Variants in ME3 observed in about 807,000 individuals in gnomAD.
The protein encoded by ME3 is NADP-dependent malic enzyme, mitochondrial.
ME3 carries 48 observed loss-of-function variants against 68.9 expected under a neutral mutation model. The ratio of observed to expected loss-of-function variants is 0.70; its 90% CI spans 0.55 to 0.89. ME3 has a LOEUF of 0.89. Ranked by LOEUF, ME3 falls within the 40% of genes least tolerant of loss-of-function variation. The pLI is 0.00. For synonymous variants in ME3, 320 were observed against 318.8 expected, an observed-to-expected ratio of 1.00 and a Z score of -0.04; for missense variants, 675 against 797.4, an observed-to-expected ratio of 0.85 and a Z score of 1.85.
At chr11:86,569,290 C>T (rs964793451) in intron 2 of ME3, among the ~76,000 whole-genome samples, 1 of 152,170 alleles carries the variant, frequency 6.6e-6, no homozygotes, top group Non-Finnish European at 1.5e-5. Flanking sequence ...GGCACCACGC[C>T]GGCCTTTGCA....
chr11:86,635,640 T>A (rs1944287799), intron 2 of ME3, among the ~76,000 whole-genome samples: 1 of 152,208 alleles, frequency 6.6e-6, no homozygotes, highest in African/African-American at 2.4e-5. Context: ...AAGGATGAGT[T>A]CTACTTTATT....
At chr11:86,492,084 CAGAT>C (rs2138969825) in intron 6 of ME3, among the ~76,000 whole-genome samples, 1 of 152,360 alleles carries the variant, frequency 6.6e-6, no homozygotes, top group East Asian at 1.9e-4. Flanking sequence ...GCTTTCAAAT[CAGAT>C]AGACCTGGGT....
chr11:86,520,330 A>T (rs1390041304), intron 4 of ME3, among the ~76,000 whole-genome samples: 1 of 152,178 alleles, frequency 6.6e-6, no homozygotes, highest in Non-Finnish European at 1.5e-5. Context: ...TAGGCCCTGT[A>T]CTGATTTCAT....
At position 86,591,820 on chromosome 11, in the gene ME3, G is replaced by T. The variant is rs76449355; in HGVS notation, c.184-31997C>A. 8.0e-3 allele frequency among the ~76,000 whole-genome samples: 1,215 copies of T among 152,156 alleles called. 12 individuals are homozygous for T. Among genetic ancestry groups the T allele is most frequent in the African/African-American group, 0.028 (1,167 of 41,500 alleles). ...AGACTTATTTGCTTTCATGAGAACA[G>T]CATGGGAAAGACCTGCTCCTGTGAC... is the stretch of plus-strand genomic sequence containing the variant. On this transcript the variant is annotated intron_variant, in intron 2 of 14. Coordinates refer to ENST00000543262, the Ensembl canonical transcript of ME3.
At chr11:86,548,063 A>G (rs1299824369) in intron 4 of ME3, among the ~76,000 whole-genome samples, 1 of 152,210 alleles carries the variant, frequency 6.6e-6, no homozygotes, top group African/African-American at 2.4e-5. Context: ...AGCCATTGCC[A>G]CCTTCACTCC....
At chr11:86,580,275 C>G (rs1958362575) in intron 2 of ME3, among the ~76,000 whole-genome samples, 1 of 152,174 alleles carries the variant, frequency 6.6e-6, no homozygotes, top group Non-Finnish European at 1.5e-5. Context: ...AGAGTGACCT[C>G]TCCTCCAAAT....
intron 2 of ME3, among the ~76,000 whole-genome samples, chr11:86,568,258 C>G (rs1957595532): frequency 6.6e-6 from 1 of 152,182 alleles, no homozygotes; most frequent in Admixed American, 6.5e-5. Flanking sequence ...GGCCACTGCT[C>G]TGACCTCTCC....
At chr11:86,644,507 C>T (rs1944876224) in intron 2 of ME3, among the ~76,000 whole-genome samples, 1 of 152,158 alleles carries the variant, frequency 6.6e-6, no homozygotes, top group South Asian at 2.1e-4. Flanking sequence ...TTACTCATCA[C>T]ACTCCTATTA....
chr11:86,648,253 A>G (rs1945163594), intron 2 of ME3, among the ~76,000 whole-genome samples: 1 of 152,230 alleles, frequency 6.6e-6, no homozygotes, highest in Non-Finnish European at 1.5e-5. Flanking sequence ...GGACACAGCT[A>G]AAGCAGTATT....
chr11:86,483,299 T>C (rs552822438), intron 7 of ME3, among the ~76,000 whole-genome samples: 43 of 152,238 alleles, frequency 2.8e-4, no homozygotes, highest in Non-Finnish European at 4.4e-4. Context: ...AGAGAATGAA[T>C]GCTGGAGCAA....
chr11:86,632,610 C>T lies in ME3; in HGVS notation c.183+39152G>A, dbSNP rs113230844. Among the ~76,000 whole-genome samples, 680 of 152,276 alleles carry T rather than the reference C, an allele frequency of 4.5e-3. 3 individuals carry two copies. The highest frequency in any genetic ancestry group is 0.015 in the African/African-American group (628 of 41,544). ...ATGGCCCTGGACATCATCCTCAGGC[C>T]CCTCCAGTACTGCATACACTGATTC... On this transcript the variant is annotated intron_variant, in intron 2 of 14. Coordinates refer to ENST00000543262, the Ensembl canonical transcript of ME3.
At chr11:86,670,302 G>T (rs1437038089) in intron 2 of ME3, among the ~76,000 whole-genome samples, 1 of 152,230 alleles carries the variant, frequency 6.6e-6, no homozygotes, top group Non-Finnish European at 1.5e-5. Context: ...CGAAGTGAGA[G>T]ACTTCACTGA....
intron 12 of ME3, among the ~76,000 whole-genome samples, chr11:86,446,693 C>T (rs1036519943): frequency 5.9e-5 from 9 of 152,352 alleles, no homozygotes; most frequent in African/African-American, 1.7e-4. Flanking sequence ...AGCCAAGAAA[C>T]TGCTGAAAGG....
exon 15 of ME3, chr11:86,441,264 G>T: frequency 1.3e-6 from 2 of 1,563,900 alleles, no homozygotes; most frequent in East Asian, 4.5e-5. Context: ...CCCCATACTA[G>T]CCTCTGAGAC....
At chr11:86,598,910 C>A (rs1594606104) in intron 2 of ME3, among the ~76,000 whole-genome samples, 1 of 152,184 alleles carries the variant, frequency 6.6e-6, no homozygotes, top group Admixed American at 6.5e-5. Context: ...AGAAGGAAAA[C>A]TAACGAACAG....
chr11:86,663,794 G>T (rs962820507), intron 2 of ME3, among the ~76,000 whole-genome samples: 3 of 152,156 alleles, frequency 2.0e-5, no homozygotes, highest in Admixed American at 1.3e-4. Context: ...ACATAAATTG[G>T]AAACAGGGAG....
intron 2 of ME3, among the ~76,000 whole-genome samples, chr11:86,617,360 TC>T (rs1943048519): frequency 6.6e-6 from 1 of 152,106 alleles, no homozygotes; most frequent in African/African-American, 2.4e-5. Flanking sequence ...ATTCTTAGTT[TC>T]CTCTAAGGTA....
intron 2 of ME3, among the ~76,000 whole-genome samples, chr11:86,602,257 C>T (rs1170075980): frequency 6.7e-6 from 1 of 148,522 alleles, no homozygotes; most frequent in Non-Finnish European, 1.5e-5. Context: ...TCTGCAAAGT[C>T]TCAGGATACA....
intron 4 of ME3, among the ~76,000 whole-genome samples, chr11:86,521,431 A>AAAATAATAATAAT (rs1271326906): frequency 1.9e-4 from 28 of 145,996 alleles, no homozygotes; most frequent in South Asian, 8.8e-4. Context: ...AACAAAACAA[A>AAAATAATAATAAT]AATAATAATA....
Sources: gnomAD v4.1 joint callset for allele counts (sites outside exome capture counted in the v4.1 genomes callset) on GRCh38, gnomAD v4.1.1 for gene constraint, MANE v1.5 for transcripts, NCBI Gene and HGNC (gene_info 2026-07-23, HGNC 2026-07-21) for gene names.